The following ROBO2 variants were observed in gnomAD, a reference collection of about 807,000 sequenced individuals.
ROBO2 encodes the protein roundabout homolog 2.
In ROBO2, 53 loss-of-function variants were observed where a neutral mutation model predicts 160.8. That is an observed-to-expected ratio of 0.33 (90% CI 0.26 to 0.41). The LOEUF (loss-of-function observed/expected upper bound fraction) is 0.41, where lower values mean the gene tolerates loss of function less well. ROBO2 is among the 10% of genes least tolerant of loss of function. The pLI is 1.00. For missense variants in ROBO2, 1,577 were observed against 1,722.4 expected (o/e 0.92, Z 1.49); for synonymous variants, 664 against 611.7 (o/e 1.09, Z -1.26).
In ROBO2 at chr3:76,193,059, CTCTT is replaced by C. The variant is rs376887197; in HGVS notation, c.109+255459_109+255462del. On this transcript the variant is annotated intron_variant, in intron 2 of 26. Transcript: ENST00000487694. ...GGTCATTCTCTCTCATGGAAACACT[CTCTT>C]TGAGTGGTTTCTATAGCACCATCTA... is the stretch of plus-strand genomic sequence containing the variant. Among the ~76,000 whole-genome samples the C allele has an allele frequency of 3.8e-3, 573 of 151,890 alleles. 5 individuals carry two copies. The highest frequency in any genetic ancestry group is 0.013 in the African/African-American group (543 of 41,370).
At chr3:77,586,713 G>C (rs970917464) in intron 16 of ROBO2, among the ~76,000 whole-genome samples, 3 of 151,640 alleles carry the variant, frequency 2.0e-5, no homozygotes, top group Non-Finnish European at 4.4e-5. Flanking sequence ...CTTTGTTCAA[G>C]AAGTTATTTG....
At chr3:76,942,140 G>A (rs576546691) in intron 2 of ROBO2, among the ~76,000 whole-genome samples, 86 of 152,252 alleles carry the variant, frequency 5.6e-4, no homozygotes, top group African/African-American at 2.0e-3. Flanking sequence ...TATAGAAAAT[G>A]TATAGTTACT....
chr3:76,960,523 T>A lies in ROBO2; in HGVS notation c.110-137491T>A, dbSNP rs138411063. On this transcript the variant is annotated intron_variant, in intron 2 of 26. Coordinates refer to the ROBO2 transcript ENST00000487694. ...AAATGTAATTAAAATGTCCACATTA[T>A]GTTTCATTTTTAAAGTCTCTAGTTC... Among the ~76,000 whole-genome samples, 270 of 152,260 alleles carry A rather than the reference T, an allele frequency of 1.8e-3. 1 individual carries two copies. The highest frequency in any genetic ancestry group is 0.014 in the Middle Eastern group (4 of 294).
At chr3:76,413,664 C>T (rs2108856478) in intron 2 of ROBO2, among the ~76,000 whole-genome samples, 1 of 152,258 alleles carries the variant, frequency 6.6e-6, no homozygotes, top group African/African-American at 2.4e-5. Context: ...ATCTGAGACC[C>T]CCTCATCCTG....
chr3:77,323,249 A>G (rs1054187277), intron 2 of ROBO2, among the ~76,000 whole-genome samples: 2 of 151,268 alleles, frequency 1.3e-5, no homozygotes, highest in Admixed American at 1.3e-4. Flanking sequence ...ATACTCAAGG[A>G]TTTCCAACTG....
intron 2 of ROBO2, among the ~76,000 whole-genome samples, chr3:76,308,399 A>AAAAG (rs2071424596): frequency 7.2e-6 from 1 of 139,158 alleles, no homozygotes; most frequent in Non-Finnish European, 1.6e-5. Context: ...AAAAAAAAAG[A>AAAAG]AAGAAAGAAA....
At chr3:77,536,896 G>A (rs1197061653) in intron 6 of ROBO2, among the ~76,000 whole-genome samples, 2 of 152,012 alleles carry the variant, frequency 1.3e-5, no homozygotes, top group African/African-American at 2.4e-5. Context: ...CTGTTTTTAT[G>A]TGCCTGCTTA....
chr3:77,435,435 T>G (rs2079180742), intron 2 of ROBO2, among the ~76,000 whole-genome samples: 1 of 152,066 alleles, frequency 6.6e-6, no homozygotes. Context: ...AAAGTAGCAT[T>G]GTTTTAAAAA....
In ROBO2 at chr3:76,050,216, C is replaced by T. The variant is rs79065457; in HGVS notation, c.109+112614C>T. On this transcript the variant is annotated intron_variant, in intron 2 of 26. Transcript: ENST00000487694. Reference sequence around the variant, plus strand: ...TAAGAGAAAAGCAGGCAGAAGAACTCGGAAGGACTAGACTGGCTAAGTCCT... The same window carrying T: ...TAAGAGAAAAGCAGGCAGAAGAACTTGGAAGGACTAGACTGGCTAAGTCCT... 8.2e-3 allele frequency among the ~76,000 whole-genome samples: 1,254 copies of T among 152,288 alleles called. 31 individuals are homozygous for T. The highest frequency in any genetic ancestry group is 0.07 in the East Asian group (362 of 5,162).
At chr3:77,241,076 AC>A (rs201567494) in intron 2 of ROBO2, among the ~76,000 whole-genome samples, 1 of 136,060 alleles carries the variant, frequency 7.3e-6, no homozygotes, top group Non-Finnish European at 1.7e-5. Context: ...TTCTTGATAA[AC>A]AGTTTTGATG....
At chr3:77,546,835 A>G (rs1017520706) in intron 7 of ROBO2, among the ~76,000 whole-genome samples, 6 of 152,064 alleles carry the variant, frequency 3.9e-5, no homozygotes, top group African/African-American at 1.4e-4. Context: ...ACTTAGAACA[A>G]TCTCTGTGAC....
chr3:76,791,777 G>T (rs565011834), intron 2 of ROBO2, among the ~76,000 whole-genome samples: 33 of 151,726 alleles, frequency 2.2e-4, no homozygotes, highest in African/African-American at 7.7e-4. Context: ...CATGGATTCT[G>T]CATCCACAGA....
chr3:76,054,737 A>G (rs1362713708), intron 2 of ROBO2, among the ~76,000 whole-genome samples: 1 of 152,196 alleles, frequency 6.6e-6, no homozygotes, highest in East Asian at 1.9e-4. Context: ...AATTTTAAAC[A>G]TGGAAGTTTG....
intron 20 of ROBO2, among the ~76,000 whole-genome samples, chr3:77,605,743 G>C (rs961466506): frequency 1.3e-5 from 2 of 152,138 alleles, no homozygotes; most frequent in Admixed American, 1.3e-4. Flanking sequence ...TGTGGACCAC[G>C]TAACACTCAG....
chr3:76,051,005 C>T (rs1422502585), intron 2 of ROBO2, among the ~76,000 whole-genome samples: 1 of 152,006 alleles, frequency 6.6e-6, no homozygotes, highest in Non-Finnish European at 1.5e-5. Context: ...TGAGTTTATC[C>T]TACATCATTG....
intron 2 of ROBO2, among the ~76,000 whole-genome samples, chr3:76,627,041 T>C (rs918484440): frequency 2.6e-5 from 4 of 152,182 alleles, no homozygotes; most frequent in African/African-American, 9.6e-5. Context: ...TTCAAGGAGA[T>C]GAAAGGGCTA....
At chr3:77,459,033 G>A (rs1276742881) in intron 2 of ROBO2, among the ~76,000 whole-genome samples, 1 of 152,098 alleles carries the variant, frequency 6.6e-6, no homozygotes, top group Non-Finnish European at 1.5e-5. Context: ...CCATTTAGTA[G>A]ACACTGTTTT....
chr3:76,937,646 A>T (rs550160089), intron 2 of ROBO2, among the ~76,000 whole-genome samples: 1 of 152,280 alleles, frequency 6.6e-6, no homozygotes, highest in South Asian at 2.1e-4. Flanking sequence ...TGCAAAAATA[A>T]TTGTGCTTTT....
At chr3:76,576,184 G>T (rs907304396) in intron 2 of ROBO2, among the ~76,000 whole-genome samples, 3 of 152,020 alleles carry the variant, frequency 2.0e-5, no homozygotes, top group Non-Finnish European at 4.4e-5. Context: ...AAGCAGCATG[G>T]TTCATGTTAA....
Sources: gnomAD v4.1 joint callset for allele counts (sites outside exome capture counted in the v4.1 genomes callset) on GRCh38, gnomAD v4.1.1 for gene constraint, MANE v1.5 for transcripts, NCBI Gene and HGNC (gene_info 2026-07-23, HGNC 2026-07-21) for gene names.